Variants in UBE2C observed in about 807,000 individuals in gnomAD.
UBE2C encodes the protein ubiquitin-conjugating enzyme E2 C.
Under a neutral mutation model 23.5 loss-of-function variants are expected in UBE2C, and 16 were observed. The ratio of observed to expected loss-of-function variants is 0.68; its 90% CI spans 0.46 to 1.03. The LOEUF (loss-of-function observed/expected upper bound fraction) is 1.03, where lower values mean the gene tolerates loss of function less well. UBE2C is among the 50% of genes least tolerant of loss of function. UBE2C has a pLI of 0.00. For missense variants in UBE2C, 192 were observed against 227.6 expected (o/e 0.84, Z 1.01); for synonymous variants, 76 against 91.6 (o/e 0.83, Z 0.97).
Position 45,815,646 on chromosome 20 carries a change from G to A in UBE2C, c.322G>A (p.Asp108Asn). 6.2e-7 allele frequency: 1 copy of A among 1,614,108 alleles called. No homozygotes were observed. Among genetic ancestry groups the A allele is most frequent in the Non-Finnish European group, 8.5e-7 (1 of 1,180,020 alleles). Residue 108 changes from aspartate to asparagine, a missense_variant, in exon 4 of 6, where the codon GAC (aspartate) becomes AAC (asparagine). Physicochemically the swap from Asp to Asn is conservative, Grantham distance 23. Coordinates refer to ENST00000356455, the MANE Select transcript of UBE2C (RefSeq NM_007019.4). Reference sequence around the variant, plus strand: ...CACGCCCTGCTATCACCCCAACGTGGACACCCAGGGTAACATATGCCTGGA... The same window carrying A: ...CACGCCCTGCTATCACCCCAACGTGAACACCCAGGGTAACATATGCCTGGA... ...FLTPCYHPNVDTQGNICLDIL... is the reference protein window; with the variant it reads ...FLTPCYHPNVNTQGNICLDIL...
chr20:45,814,151 T>C (rs1432599645), intron 2 of UBE2C, among the ~76,000 whole-genome samples: 1 of 137,796 alleles, frequency 7.3e-6, no homozygotes. Flanking sequence ...TCTCTCTATA[T>C]ATATATATAT....
At position 45,815,660 on chromosome 20, in the gene UBE2C, C is replaced by T. The variant is rs1365523809; in HGVS notation, c.336C>T (p.Asn112=). 1 of 1,614,170 alleles carries T rather than the reference C, an allele frequency of 6.2e-7. No individual in the cohort carries two copies. The highest frequency in any genetic ancestry group is 1.3e-5 in the African/African-American group (1 of 75,036). Residue 112 remains asparagine (N), a synonymous_variant, in exon 4 of 6, where the codon AAC becomes AAT. Coordinates refer to ENST00000356455, the MANE Select transcript of UBE2C (RefSeq NM_007019.4). ...CYHPNVDTQG[N]ICLDILKEKW... is the part of the protein sequence containing the mutation. ...ACCCCAACGTGGACACCCAGGGTAACATATGCCTGGACATCCTGAAGGAAA... is the reference window on the plus strand; with the variant it reads ...ACCCCAACGTGGACACCCAGGGTAATATATGCCTGGACATCCTGAAGGAAA...
rs367674756 is a variant in UBE2C, at chr20:45,816,817, A to G, written c.*50A>G. 3 of 1,532,030 alleles carry G rather than the reference A, an allele frequency of 2.0e-6. No homozygotes were observed. The highest frequency in any genetic ancestry group is 2.3e-5 in the South Asian group (2 of 86,908). The allele number at this position is 1,532,030 out of a possible 1,614,324, so 94.9% of individuals were successfully genotyped here. A position where few individuals can be genotyped will look rare whatever the true frequency, so the allele number is the denominator to read the frequency against. On this transcript the variant is annotated 3_prime_UTR_variant, in exon 6 of 6. Transcript: ENST00000356455. ...TGTCGTCTTTTTAATTTTTCCTTAGATGGTCTGTCCTTTTTGTGATTTCTG... is the reference window on the plus strand; with the variant it reads ...TGTCGTCTTTTTAATTTTTCCTTAGGTGGTCTGTCCTTTTTGTGATTTCTG...
intron 1 of UBE2C, 40 bp downstream of exon 1, chr20:45,812,836 C>T (rs1220925649): frequency 4.0e-5 from 61 of 1,534,022 alleles, no homozygotes; most frequent in Non-Finnish European, 4.8e-5. Flanking sequence ...CCTGCCATGC[C>T]CTAGGCATTG....
intron 2 of UBE2C, among the ~76,000 whole-genome samples, chr20:45,813,915 G>A (rs1309376468): frequency 6.6e-6 from 1 of 152,004 alleles, no homozygotes; most frequent in African/African-American, 2.4e-5. Flanking sequence ...GACCAGCCTG[G>A]CCAACATTGC....
intron 4 of UBE2C, 50 bp from the exon 5 acceptor site, chr20:45,815,804 G>A (rs2145720112): frequency 8.1e-6 from 13 of 1,613,456 alleles, no homozygotes; most frequent in Non-Finnish European, 1.1e-5. Context: ...AGGACTCCCT[G>A]GGGTCAGCCT....
chr20:45,816,631 C>A, intron 5 of UBE2C, 78 bp from the exon 6 acceptor site: 1 of 1,347,952 alleles, frequency 7.4e-7, no homozygotes, highest in Non-Finnish European at 1.1e-6. Context: ...AGTGAGACTC[C>A]ATCTCAAAAA....
At chr20:45,815,457 C>G in intron 3 of UBE2C, 84 bp from the exon 4 acceptor site, 1 of 1,614,118 alleles carries the variant, frequency 6.2e-7, no homozygotes, top group Non-Finnish European at 8.5e-7. Flanking sequence ...ACTCAAGATT[C>G]TAGCAAGCCC....
chr20:45,813,173 T>C (rs914099347), intron 1 of UBE2C: 20 of 1,406,614 alleles, frequency 1.4e-5, no homozygotes, highest in Non-Finnish European at 1.6e-5. Flanking sequence ...AAGGGAGAAG[T>C]TGAGTCGGGC....
In UBE2C at chr20:45,815,498, C is replaced by T. The variant is rs950123867; in HGVS notation, c.217-43C>T. On this transcript the variant is annotated intron_variant, in intron 3 of 5. Transcript: ENST00000356455. ...GTGGGGCTTGGGTTGGGACATGAGG[C>T]TGCTGCTGGAGCTTACTCTGCAACT... 5 of 1,614,196 alleles carry T rather than the reference C, an allele frequency of 3.1e-6. No homozygotes were observed. In the East Asian group the frequency reaches 6.7e-5, roughly 22 times the overall value.
Position 45,812,746 on chromosome 20 carries a change from T to C in UBE2C, c.51T>C (p.Arg17=). ...CCGCCACTAGCGTCGCCGCCGCCCGTAAAGGAGCTGAGCCGAGCGGGGGCG... is the reference window on the plus strand; with the variant it reads ...CCGCCACTAGCGTCGCCGCCGCCCGCAAAGGAGCTGAGCCGAGCGGGGGCG... The part of the protein sequence containing the change: ...DPAATSVAAA[R]KGAEPSGGAA... The change falls in exon 1 of 6, where the codon CGT becomes CGC. Residue 17 remains arginine (R), a synonymous_variant. Transcript: ENST00000356455. The C allele has an allele frequency of 4.5e-6, 7 of 1,557,322 alleles. No individual in the cohort carries two copies. Among genetic ancestry groups the C allele is most frequent in the Admixed American group, 1.9e-5 (1 of 51,692 alleles).
chr20:45,814,464 T>G lies in UBE2C; in HGVS notation c.210T>G (p.Ala70=), dbSNP rs755951781. ...GGGTAGGGACCATCCATGGAGCAGCTGGAACAGTAAGTGTAGGGCTGGGAT... is the reference window on the plus strand; with the variant it reads ...GGGTAGGGACCATCCATGGAGCAGCGGGAACAGTAAGTGTAGGGCTGGGAT... ...FKWVGTIHGA[A]GTVYEDLRYK... Residue 70 remains alanine (A), a synonymous_variant, in exon 3 of 6, where the codon GCT becomes GCG. Coordinates refer to ENST00000356455, the MANE Select transcript of UBE2C (RefSeq NM_007019.4). 6.2e-7 allele frequency: 1 copy of G among 1,608,088 alleles called. No individual in the cohort carries two copies. The highest frequency in any genetic ancestry group is 1.1e-5 in the South Asian group (1 of 90,646).
rs1045475326 is a variant in UBE2C at position 45,816,849 on chromosome 20, A to G, written c.*82A>G. The G allele has an allele frequency of 4.9e-6, 6 of 1,212,982 alleles. No individual in the cohort carries two copies. In the East Asian group the frequency reaches 1.2e-4, roughly 25 times the overall value. The allele number at this position is 1,212,982 out of a possible 1,614,324, so 75.1% of individuals were successfully genotyped here. A position where few individuals can be genotyped will look rare whatever the true frequency, so the allele number is the denominator to read the frequency against. ...GTCCTTTTTGTGATTTCTGTATAGG[A>G]CTCTTTATCTTGAGCTGTGGTATTT... On this transcript the variant is annotated 3_prime_UTR_variant, in exon 6 of 6. Coordinates refer to ENST00000356455, the MANE Select transcript of UBE2C (RefSeq NM_007019.4).
intron 1 of UBE2C, 137 bp downstream of exon 1, chr20:45,812,933 G>C (rs991255061): frequency 1.4e-6 from 2 of 1,430,700 alleles, no homozygotes; most frequent in Non-Finnish European, 1.8e-6. Context: ...CACACCAGGA[G>C]CTCGGGGCCT....
chr20:45,814,340 C>A, intron 2 of UBE2C, 44 bp from the exon 3 acceptor site: 1 of 1,513,830 alleles, frequency 6.6e-7, no homozygotes, highest in East Asian at 2.5e-5. Context: ...TTTGCTATGC[C>A]CAAAAGTGTA....
At position 45,812,653 on chromosome 20, in the gene UBE2C, G is replaced by A; in HGVS notation, c.-43G>A. On this transcript the variant is annotated 5_prime_UTR_variant, in exon 1 of 6. Coordinates refer to ENST00000356455, the MANE Select transcript of UBE2C (RefSeq NM_007019.4). ...GCGGGCCCGCAGTCCTGCAGTTGCA[G>A]TCGTGTTCTCCGAGTTCCTGTCTCT... 6.5e-7 allele frequency: 1 copy of A among 1,548,492 alleles called. No individual in the cohort carries two copies.
intron 2 of UBE2C, 112 bp downstream of exon 2, chr20:45,813,576 G>T: frequency 7.0e-7 from 1 of 1,430,390 alleles, no homozygotes; most frequent in South Asian, 1.1e-5. Context: ...CTCCCTCCTG[G>T]GAAAGAAGTT....
rs1568714711 is a variant in UBE2C, at chr20:45,814,270, G to GTATATATATATATATATATA, written c.130-114_130-113insTATATATATATATATATATA. 1.4e-5 allele frequency: 5 copies of GTATATATATATATATATATA among 368,796 alleles called. No individual in the cohort carries two copies. In the African/African-American group the frequency reaches 2.5e-4, roughly 19 times the overall value. The allele number at this position is 368,796 out of a possible 1,614,324, so 22.8% of individuals were successfully genotyped here. ...TATATATGTGTGTGTGTGTATGTGA[G>GTATATATATATATATATATA]CATATATATATATATATATATATAT... On this transcript the variant is annotated intron_variant, in intron 2 of 5. Coordinates refer to ENST00000356455, the MANE Select transcript of UBE2C (RefSeq NM_007019.4).
intron 2 of UBE2C, 146 bp downstream of exon 2, chr20:45,813,610 C>A: frequency 2.0e-6 from 2 of 1,021,518 alleles, no homozygotes; most frequent in East Asian, 2.4e-5. Context: ...TACACCATTT[C>A]TTCCAGCAGT....
Sources: allele counts gnomAD v4.1 joint callset (sites outside exome capture counted in the v4.1 genomes callset), GRCh38; gene constraint gnomAD v4.1.1; transcripts MANE v1.5; gene names NCBI Gene and HGNC (gene_info 2026-07-23, HGNC 2026-07-21).